The following MYH3 variants were observed in gnomAD, a reference collection of about 807,000 sequenced individuals.
MYH3 encodes the protein myosin heavy chain 3, also known as myosin-3.
Under a neutral mutation model 238.0 loss-of-function variants are expected in MYH3, and 130 were observed. The ratio of observed to expected loss-of-function variants is 0.55; its 90% CI spans 0.47 to 0.63. The LOEUF is 0.63. Ranked by LOEUF, MYH3 falls within the 30% of genes least tolerant of loss-of-function variation. The probability of loss-of-function intolerance (pLI) is 0.00; values close to 1 mark genes in which losing one functional copy is unlikely to be tolerated. For synonymous variants in MYH3, 880 were observed against 924.1 expected (o/e 0.95, Z 0.86); for missense variants, 1,853 against 2,374.9 (o/e 0.78, Z 4.57).
rs753170083 is a variant in MYH3, at chr17:10,642,275, CCTT to C, written c.1921_1923del (p.Lys641del). 5.5e-5 allele frequency: 89 copies of C among 1,613,922 alleles called. No individual in the cohort carries two copies. The highest frequency in any genetic ancestry group is 6.9e-5 in the Non-Finnish European group (81 of 1,180,004). ...GCAGAGACAGTTTGGAAGGAAGAACCCTTCTTCTTGGCAACTTTCTTCTTTCCA... is the reference window on the plus strand; with the variant it reads ...GCAGAGACAGTTTGGAAGGAAGAACCCTTCTTGGCAACTTTCTTCTTTCCA... On this transcript the variant is annotated inframe_deletion, in exon 17 of 41. Coordinates refer to ENST00000583535, the MANE Select transcript of MYH3 (RefSeq NM_002470.4). The surrounding 1 kb of genome is among the most constrained non-coding windows in gnomAD (Gnocchi z 5.4).
chr17:10,663,933 T>G, the MYH3 span, among the ~76,000 whole-genome samples: 4 of 151,548 alleles, frequency 2.6e-5, no homozygotes, highest in Non-Finnish European at 4.4e-5. Context: ...TGTGGTGGCG[T>G]GCACCTGTAA....
chr17:10,631,459 G>C (rs1362290862), intron 36 of MYH3, 152 bp downstream of exon 36: 2 of 1,065,670 alleles, frequency 1.9e-6, no homozygotes, highest in African/African-American at 3.1e-5. Flanking sequence ...AGTGCAGGAG[G>C]GAACAGGGGA....
rs1309434110 is a variant in MYH3 at position 10,647,384 on chromosome 17, C to A, written c.778G>T (p.Ala260Ser). The A allele has an allele frequency of 6.2e-7, 1 of 1,614,110 alleles. No individual in the cohort carries two copies. The highest frequency in any genetic ancestry group is 1.3e-5 in the African/African-American group (1 of 74,950). The change falls in exon 9 of 41, where the codon GCC becomes TCC. Residue 260 changes from alanine to serine, a missense_variant. Physicochemically the swap from Ala to Ser is moderately conservative, Grantham distance 99 (BLOSUM62 1). Coordinates refer to ENST00000583535, the MANE Select transcript of MYH3 (RefSeq NM_002470.4). ...RIHFGTTGKL[A>S]SADIETYLLE... The stretch of plus-strand genomic sequence containing the variant: ...TTACAAGTTTCAATATCTGCAGAGG[C>A]CAGCTTCCCAGTGGTTCCAAAATGG...
Position 10,631,741 on chromosome 17 carries a change from G to T in MYH3, c.5161-5C>A, listed in dbSNP as rs1294849862. On this transcript the variant is annotated splice_polypyrimidine_tract_variant and splice_region_variant and intron_variant, in intron 35 of 40. Coordinates refer to ENST00000583535, the MANE Select transcript of MYH3 (RefSeq NM_002470.4). ...GGTGTGGATGAGGCTGGTGTTCTAG[G>T]GCAAGAGGAGGGCTGTTAACCAGGT... 1 of 1,614,096 alleles carries T rather than the reference G, an allele frequency of 6.2e-7. No homozygotes were observed. The highest frequency in any genetic ancestry group is 2.2e-5 in the East Asian group (1 of 44,878).
intron 33 of MYH3, 129 bp downstream of exon 33, chr17:10,633,462 G>A: frequency 8.7e-7 from 1 of 1,150,660 alleles, no homozygotes; most frequent in African/African-American, 1.5e-5. Flanking sequence ...TGTGTGACGG[G>A]AAAGCAGCAG....
upstream of MYH3, among the ~76,000 whole-genome samples, chr17:10,662,184 G>C (rs1004662708): frequency 3.3e-5 from 5 of 152,006 alleles, no homozygotes; most frequent in Non-Finnish European, 7.4e-5. Context: ...CCCATGCCAG[G>C]CTAATTTTTG....
rs760358074 is a variant in MYH3 at position 10,640,122 on chromosome 17, G to A, written c.2556C>T (p.Thr852=). ...KSAETEKEMA[T]MKEEFQKTKD... is the part of the protein sequence containing the mutation. ...TGGTTTTCTGGAATTCTTCCTTCAT[G>A]GTGGCCATCTCTTTCTCAGTCTCTG... The change falls in exon 22 of 41, where the codon ACC becomes ACT. Residue 852 remains threonine, a synonymous_variant. Transcript: ENST00000583535. 6.2e-7 allele frequency: 1 copy of A among 1,614,138 alleles called. No individual in the cohort carries two copies. The highest frequency in any genetic ancestry group is 1.1e-5 in the South Asian group (1 of 91,074).
chr17:10,631,692 G>A lies in MYH3; in HGVS notation c.5205C>T (p.Leu1735=). The A allele has an allele frequency of 3.1e-6, 5 of 1,614,190 alleles. No homozygotes were observed. The highest frequency in any genetic ancestry group is 4.2e-6 in the Non-Finnish European group (5 of 1,180,032). ...CTTCTACCTCACTCTGGAGCTGCAT[G>A]AGGTCTGTCTCCAGCTTCTTCTTGG... is the stretch of plus-strand genomic sequence containing the variant. ...IHTKKKLETD[L]MQLQSEVEDA... The change falls in exon 36 of 41, where the codon CTC becomes CTT. Residue 1735 remains leucine, a synonymous_variant. Coordinates refer to ENST00000583535, the MANE Select transcript of MYH3 (RefSeq NM_002470.4).
chr17:10,646,115 C>A, intron 10 of MYH3, 83 bp from the exon 11 acceptor site: 2 of 1,170,222 alleles, frequency 1.7e-6, no homozygotes, highest in Admixed American at 3.8e-5. Flanking sequence ...GCACCCTGGG[C>A]TGGAACTTTT....
intron 10 of MYH3, 39 bp from the exon 11 acceptor site, chr17:10,646,071 A>G (rs374388697): frequency 3.6e-5 from 57 of 1,581,458 alleles, no homozygotes; most frequent in Non-Finnish European, 4.8e-5. Flanking sequence ...ATGCAGATGC[A>G]AAGAAAAAAC....
At position 10,629,941 on chromosome 17, in the gene MYH3, A is replaced by C; in HGVS notation, c.5563-4T>G. ...CATTCTTCCTGTCCTCTTCACTCTA[A>C]GAATGAGAAAGTGGGAATGTCACTG... On this transcript the variant is annotated splice_region_variant and splice_polypyrimidine_tract_variant and intron_variant, in intron 38 of 40. Coordinates refer to ENST00000583535, the MANE Select transcript of MYH3 (RefSeq NM_002470.4). 6.2e-7 allele frequency: 1 copy of C among 1,614,094 alleles called. No homozygotes were observed. The highest frequency in any genetic ancestry group is 8.5e-7 in the Non-Finnish European group (1 of 1,179,954).
upstream of MYH3, among the ~76,000 whole-genome samples, chr17:10,660,795 A>T (rs2074475197): frequency 6.6e-6 from 1 of 152,100 alleles, no homozygotes; most frequent in Non-Finnish European, 1.5e-5. Flanking sequence ...AGCCTAGCTA[A>T]CATGGTAAAA....
Position 10,630,297 on chromosome 17 carries a change from C to T in MYH3, c.5448G>A (p.Leu1816=), listed in dbSNP as rs368448624. ...LKGGKKQIQK[L]ETRIRELEFE... ...TTCCTCCTGCACACACCCTGGTCTC[C>T]AGTTTCTGGATCTGCTTCTTCCCGC... Residue 1816 remains leucine, a synonymous_variant, in exon 37 of 41, where the codon CTG becomes CTA. Transcript: ENST00000583535. The T allele has an allele frequency of 7.2e-5, 116 of 1,614,076 alleles. No homozygotes were observed. The highest frequency in any genetic ancestry group is 9.3e-5 in the Non-Finnish European group (110 of 1,180,044).
rs748086358 is a variant in MYH3 at position 10,630,341 on chromosome 17, C to A, written c.5404G>T (p.Glu1802Ter). ...KDLQHRLDEA[E>*]QLALKGGKKQ... Reference sequence around the variant, plus strand: ...TTCCCGCCCTTCAGCGCCAGCTGCTCGGCCTCATCTAGACGATGCTGCAGG... The same window carrying A: ...TTCCCGCCCTTCAGCGCCAGCTGCTAGGCCTCATCTAGACGATGCTGCAGG... The change falls in exon 37 of 41, where the codon GAG becomes TAG. Residue 1802 changes from glutamate to a stop codon, truncating the protein, a stop_gained. Coordinates refer to ENST00000583535, the MANE Select transcript of MYH3 (RefSeq NM_002470.4). LOFTEE classifies it high-confidence loss of function. The A allele has an allele frequency of 6.2e-7, 1 of 1,614,238 alleles. No homozygotes were observed. The highest frequency in any genetic ancestry group is 1.1e-5 in the South Asian group (1 of 91,080).
At position 10,635,730 on chromosome 17, in the gene MYH3, T is replaced by C. The variant is rs2074208360; in HGVS notation, c.3975+5A>G. ...GGGCAAAGAAGTCTTCCTTCAATGG[T>C]GTACCTTGTTCTCTTCCTCCAGCTG... On this transcript the variant is annotated splice_donor_5th_base_variant and intron_variant, in intron 29 of 40. Transcript: ENST00000583535. The C allele has an allele frequency of 1.2e-6, 2 of 1,613,478 alleles. No individual in the cohort carries two copies. The highest frequency in any genetic ancestry group is 1.7e-6 in the Non-Finnish European group (2 of 1,179,368).
upstream of MYH3, among the ~76,000 whole-genome samples, chr17:10,661,176 C>T (rs1200180696): frequency 8.0e-5 from 12 of 150,704 alleles, no homozygotes; most frequent in Non-Finnish European, 5.9e-5. Flanking sequence ...GGGTTTTTAC[C>T]ATGTTAGTCA....
chr17:10,638,130 G>C lies in MYH3; in HGVS notation c.3642C>G (p.Val1214=), dbSNP rs2074232849. The stretch of plus-strand genomic sequence containing the variant: ...TCTTCTCCTTCTCCAGCTTCTGCTT[G>C]ACCCGCTGCAGGTTGTCAATCTGCT... ...LGEQIDNLQR[V]KQKLEKEKSE... is the part of the protein sequence containing the mutation. The change falls in exon 27 of 41, where the codon GTC becomes GTG. Residue 1214 remains valine, a synonymous_variant. Coordinates refer to ENST00000583535, the MANE Select transcript of MYH3 (RefSeq NM_002470.4). 7.4e-6 allele frequency: 12 copies of C among 1,613,552 alleles called. No individual in the cohort carries two copies. Among genetic ancestry groups the C allele is most frequent in the Non-Finnish European group, 1.0e-5 (12 of 1,179,950 alleles).
In MYH3 at chr17:10,638,419, T is replaced by C. The variant is rs1175337655; in HGVS notation, c.3353A>G (p.Glu1118Gly). 6.3e-7 allele frequency: 1 copy of C among 1,599,994 alleles called. No individual in the cohort carries two copies. The highest frequency in any genetic ancestry group is 1.7e-5 in the Admixed American group (1 of 59,960). Residue 1118 changes from glutamate to glycine, a missense_variant, in exon 27 of 41, where the codon GAG becomes GGG. Transcript: ENST00000583535. ...CTCCGCCTCTATCTCCTCTTCCAGC[T>C]CCTCAATTCGAGCCTGTGGAGGGCA... ...KIKELQARIE[E>G]LEEEIEAERA...
chr17:10,632,229 C>T (rs972812405), intron 34 of MYH3, among the ~76,000 whole-genome samples: 1 of 152,208 alleles, frequency 6.6e-6, no homozygotes, highest in Non-Finnish European at 1.5e-5. Flanking sequence ...AGCAATCCTC[C>T]CATCTCAGCC....
Sources: gnomAD v4.1 joint callset for allele counts (sites outside exome capture counted in the v4.1 genomes callset) on GRCh38, gnomAD v4.1.1 for gene constraint, Gnocchi (gnomAD v3.1) non-coding constraint, MANE v1.5 for transcripts, NCBI Gene and HGNC (gene_info 2026-07-23, HGNC 2026-07-21) for gene names.